The following OPHN1 variants were observed in gnomAD, a reference collection of about 807,000 sequenced individuals.
OPHN1 encodes the protein oligophrenin 1.
OPHN1 carries 11 observed loss-of-function variants against 60.7 expected under a neutral mutation model. The ratio of observed to expected loss-of-function variants is 0.18; its 90% CI spans 0.11 to 0.30. The LOEUF (loss-of-function observed/expected upper bound fraction) is 0.30. OPHN1 is among the 10% of genes least tolerant of loss of function. The pLI, the probability that OPHN1 is intolerant of heterozygous loss-of-function variation, is 1.00. For missense variants in OPHN1, 449 were observed against 611.0 expected (o/e 0.73, Z 2.80); for synonymous variants, 226 against 222.6 (o/e 1.02, Z -0.14).
intron 18 of OPHN1, among the ~76,000 whole-genome samples, chrX:68,110,513 T>G (rs947407650): frequency 3.6e-5 from 4 of 111,596 alleles, no homozygotes; most frequent in African/African-American, 1.3e-4. Flanking sequence ...AGTCTCTTCG[T>G]GTTATAGATG....
intron 3 of OPHN1, among the ~76,000 whole-genome samples, chrX:68,293,501 G>A (rs2078079860): frequency 8.9e-6 from 1 of 111,769 alleles, no homozygotes; most frequent in Admixed American, 9.5e-5. Context: ...TAGCATAACT[G>A]GGGTGGAAAT....
At chrX:68,374,098 C>T (rs2078543379) in intron 2 of OPHN1, among the ~76,000 whole-genome samples, 1 of 111,389 alleles carries the variant, frequency 9.0e-6, no homozygotes, top group Non-Finnish European at 1.9e-5. Context: ...TGGCTCATGC[C>T]TGTAATCCTA....
intron 15 of OPHN1, among the ~76,000 whole-genome samples, chrX:68,138,298 T>C (rs756845089): frequency 8.9e-6 from 1 of 112,377 alleles, no homozygotes; most frequent in Non-Finnish European, 1.9e-5. Context: ...ATGTGGTGTG[T>C]ATCTATGGGC....
intron 10 of OPHN1, among the ~76,000 whole-genome samples, chrX:68,202,711 G>A (rs2077540508): frequency 9.2e-6 from 1 of 109,016 alleles, no homozygotes; most frequent in African/African-American, 3.3e-5. Context: ...TGGTCAGGGT[G>A]GTCTCGAACT....
At chrX:68,366,057 T>G (rs2078497347) in intron 2 of OPHN1, among the ~76,000 whole-genome samples, 1 of 109,132 alleles carries the variant, frequency 9.2e-6, no homozygotes, top group Non-Finnish European at 1.9e-5. Context: ...CCTACAACAG[T>G]GAGACATAAC....
chrX:68,055,262 GTACT>G (rs1038547041), intron 21 of OPHN1, among the ~76,000 whole-genome samples: 1 of 111,954 alleles, frequency 8.9e-6, no homozygotes, highest in African/African-American at 3.2e-5. Context: ...CCCTAGACAG[GTACT>G]TCACCTCTAC....
intron 2 of OPHN1, among the ~76,000 whole-genome samples, chrX:68,323,170 T>C (rs914770409): frequency 8.9e-6 from 1 of 112,217 alleles, no homozygotes; most frequent in African/African-American, 3.2e-5. Context: ...CATTGTACCA[T>C]TGTCAGTTTC....
chrX:68,258,371 G>A (rs942786259), intron 5 of OPHN1, among the ~76,000 whole-genome samples: 6 of 95,596 alleles, frequency 6.3e-5, no homozygotes, highest in Non-Finnish European at 1.2e-4. Flanking sequence ...TTAACATTAG[G>A]TATATCTCCT....
At chrX:68,391,920 C>A (rs1194627464) in intron 2 of OPHN1, among the ~76,000 whole-genome samples, 1 of 111,807 alleles carries the variant, frequency 8.9e-6, no homozygotes, top group Non-Finnish European at 1.9e-5. Context: ...CTGCCTACAC[C>A]TTGACTTTAG....
At chrX:68,315,756 C>G (rs1052323935) in intron 2 of OPHN1, among the ~76,000 whole-genome samples, 1 of 111,085 alleles carries the variant, frequency 9.0e-6, no homozygotes, top group Non-Finnish European at 1.9e-5. Context: ...AGTTGCATTT[C>G]TATACACTAA....
intron 5 of OPHN1, among the ~76,000 whole-genome samples, chrX:68,249,247 T>TA (rs947165211): frequency 1.4e-4 from 16 of 111,607 alleles, no homozygotes; most frequent in Admixed American, 1.9e-4. Flanking sequence ...AAATTAAAAA[T>TA]AAAAAAATGG....
intron 2 of OPHN1, among the ~76,000 whole-genome samples, chrX:68,377,096 A>AT (rs35459211): frequency 0.016 from 1,309 of 83,514 alleles, 38 homozygotes; most frequent in African/African-American, 0.029. Flanking sequence ...CATGCAGCTA[A>AT]TTTTTTTTTT....
At chrX:68,370,160 C>A (rs1267396047) in intron 2 of OPHN1, among the ~76,000 whole-genome samples, 1 of 105,573 alleles carries the variant, frequency 9.5e-6, no homozygotes, top group East Asian at 3.0e-4. Flanking sequence ...ATAGACCTGC[C>A]CTACAAGAAA....
At chrX:68,081,867 G>A (rs1034834454) in intron 19 of OPHN1, among the ~76,000 whole-genome samples, 1 of 111,504 alleles carries the variant, frequency 9.0e-6, no homozygotes, top group African/African-American at 3.3e-5. Flanking sequence ...TTTCTCTGTA[G>A]CATGCCATGC....
intron 4 of OPHN1, among the ~76,000 whole-genome samples, chrX:68,279,395 G>A (rs763113101): frequency 9.2e-6 from 1 of 109,177 alleles, no homozygotes; most frequent in Admixed American, 9.9e-5. Context: ...AAAAGCGTGA[G>A]CCACCGCACC....
chrX:68,222,160 C>CA, intron 6 of OPHN1, among the ~76,000 whole-genome samples: 1 of 108,704 alleles, frequency 9.2e-6, no homozygotes, highest in Non-Finnish European at 1.9e-5. Flanking sequence ...TTTATGCAGC[C>CA]AAAAAACACA....
chrX:68,402,358 GAGA>G (rs2078719566), intron 2 of OPHN1, among the ~76,000 whole-genome samples: 1 of 98,347 alleles, frequency 1.0e-5, no homozygotes, highest in Non-Finnish European at 2.1e-5. Flanking sequence ...GGAGGAGAAG[GAGA>G]AGGAGAAGAA....
At chrX:68,218,271 G>A (rs1050624235) in intron 6 of OPHN1, among the ~76,000 whole-genome samples, 1 of 108,108 alleles carries the variant, frequency 9.3e-6, no homozygotes, top group African/African-American at 3.4e-5. Flanking sequence ...AAGAAATATG[G>A]GACTATGGGA....
At chrX:68,112,090 G>GACAC (rs2077107617) in intron 17 of OPHN1, 131 bp from the exon 18 acceptor site, 1 of 185,665 alleles carries the variant, frequency 5.4e-6, no homozygotes. Flanking sequence ...CACACACACA[G>GACAC]AGAGAGATTC....
Sources: allele counts gnomAD v4.1 joint callset (sites outside exome capture counted in the v4.1 genomes callset), GRCh38; gene constraint gnomAD v4.1.1; transcripts MANE v1.5; gene names NCBI Gene and HGNC (gene_info 2026-07-23, HGNC 2026-07-21).